MAP4: variants seen among roughly 807,000 people sequenced by gnomAD.
MAP4 encodes the protein microtubule associated protein 4.
Under a neutral mutation model 170.2 loss-of-function variants are expected in MAP4, and 76 were observed. That is an observed-to-expected ratio of 0.45 (90% CI 0.37 to 0.54). The LOEUF is 0.54. Among genes scored for constraint, MAP4 ranks in the 20% least tolerant of loss-of-function variants. The pLI is 0.00. For synonymous variants in MAP4, 909 were observed against 994.5 expected (o/e 0.91, Z 1.62); for missense variants, 2,506 against 2,748.0 (o/e 0.91, Z 1.97).
At chr3:47,940,376 G>A (rs546427789) in intron 3 of MAP4, among the ~76,000 whole-genome samples, 37 of 152,134 alleles carry the variant, frequency 2.4e-4, no homozygotes, top group Non-Finnish European at 4.7e-4. Context: ...AGAAACAACA[G>A]CCTTCAGAAT....
intron 2 of MAP4, among the ~76,000 whole-genome samples, chr3:47,981,227 C>T (rs1372625578): frequency 3.9e-5 from 6 of 152,144 alleles, no homozygotes; most frequent in Middle Eastern, 3.4e-3. Flanking sequence ...TTCGTGTTAC[C>T]GATACAGGAA....
intron 3 of MAP4, among the ~76,000 whole-genome samples, chr3:47,956,290 C>T (rs946720545): frequency 6.6e-6 from 1 of 152,126 alleles, no homozygotes; most frequent in Non-Finnish European, 1.5e-5. Flanking sequence ...AGTCAATGGC[C>T]TCCTGAGAGC....
intron 1 of MAP4, among the ~76,000 whole-genome samples, chr3:48,051,658 A>G (rs2154549387): frequency 6.6e-6 from 1 of 152,274 alleles, no homozygotes; most frequent in Admixed American, 6.5e-5. Flanking sequence ...ATAACTAAGA[A>G]TCATTTTAGT....
At chr3:47,988,993 G>A (rs998217920) in intron 2 of MAP4, among the ~76,000 whole-genome samples, 3 of 152,054 alleles carry the variant, frequency 2.0e-5, no homozygotes, top group Non-Finnish European at 4.4e-5. Context: ...TGTATTTTTA[G>A]TAGAGATGAG....
At chr3:47,912,663 C>T (rs981969793) in intron 8 of MAP4, among the ~76,000 whole-genome samples, 1 of 152,136 alleles carries the variant, frequency 6.6e-6, no homozygotes, top group African/African-American at 2.4e-5. Flanking sequence ...TGTTTTCAAA[C>T]ATTTATAAAA....
intron 2 of MAP4, among the ~76,000 whole-genome samples, chr3:47,983,482 G>A (rs548940903): frequency 1.1e-4 from 16 of 152,182 alleles, no homozygotes; most frequent in African/African-American, 3.4e-4. Flanking sequence ...TGCCTCCCAG[G>A]TTCAAGCGAT....
At chr3:47,989,209 G>C (rs1253951062) in intron 2 of MAP4, among the ~76,000 whole-genome samples, 3 of 152,192 alleles carry the variant, frequency 2.0e-5, no homozygotes, top group Non-Finnish European at 4.4e-5. Flanking sequence ...CCAGGAGTTT[G>C]AGACCAACCT....
intron 1 of MAP4, among the ~76,000 whole-genome samples, chr3:47,999,532 G>T (rs999595196): frequency 1.3e-5 from 2 of 152,102 alleles, no homozygotes; most frequent in Admixed American, 6.5e-5. Context: ...AAAAAAGAAC[G>T]AGATCATGTC....
chr3:47,908,229 C>T (rs73087129), intron 9 of MAP4, among the ~76,000 whole-genome samples: 1,778 of 152,010 alleles, frequency 0.012, 20 homozygotes, highest in Non-Finnish European at 0.019. Context: ...TGGGGGGAAA[C>T]GGGGCTACCA....
chr3:47,891,820 A>G (rs1230640526), intron 10 of MAP4: 1 of 1,536,344 alleles, frequency 6.5e-7, no homozygotes, highest in African/African-American at 1.4e-5. Flanking sequence ...TCAGCTGCTC[A>G]GAGTTATCAT....
At chr3:47,905,958 C>T (rs1225634191) in intron 9 of MAP4, among the ~76,000 whole-genome samples, 1 of 151,924 alleles carries the variant, frequency 6.6e-6, no homozygotes, top group African/African-American at 2.4e-5. Flanking sequence ...CGTGCCATTG[C>T]ACTCCAGCCT....
intron 2 of MAP4, among the ~76,000 whole-genome samples, chr3:47,989,724 T>A (rs1434065083): frequency 6.6e-6 from 1 of 152,184 alleles, no homozygotes. Context: ...AAAAGGCTTG[T>A]ATATTTCCCT....
chr3:48,001,342 AATTAT>A (rs1487763963), intron 1 of MAP4, among the ~76,000 whole-genome samples: 1 of 152,234 alleles, frequency 6.6e-6, no homozygotes, highest in Non-Finnish European at 1.5e-5. Context: ...TTAAATAATC[AATTAT>A]ATTTATATAG....
At position 47,916,129 on chromosome 3, in the gene MAP4, C is replaced by T. The variant is rs1400500776; in HGVS notation, c.1698G>A (p.Leu566=). The change falls in exon 7 of 21, where the codon CTG becomes CTA. Residue 566 remains leucine, a synonymous_variant. Transcript: ENST00000683076. ...APLAKDGVLT[L]ANNVTPAKDV... ...CTTTGGCTGGAGTCACATTGTTGGC[C>T]AGGGTCAGAACCCCATCCTTAGCCA... 1 of 1,614,152 alleles carries T rather than the reference C, an allele frequency of 6.2e-7. No individual in the cohort carries two copies.
At chr3:47,967,724 G>T (rs974723082) in intron 3 of MAP4, among the ~76,000 whole-genome samples, 36 of 152,214 alleles carry the variant, frequency 2.4e-4, no homozygotes, top group African/African-American at 8.7e-4. Context: ...TACTTTGGGA[G>T]GCCGAGGTGG....
At chr3:47,976,032 C>T (rs1423602653) in intron 3 of MAP4, among the ~76,000 whole-genome samples, 7 of 152,154 alleles carry the variant, frequency 4.6e-5, no homozygotes, top group East Asian at 3.8e-4. Flanking sequence ...TCAGGTGATC[C>T]GCCCGCCTCG....
chr3:48,045,794 G>C (rs1304974048), intron 1 of MAP4, among the ~76,000 whole-genome samples: 1 of 152,178 alleles, frequency 6.6e-6, no homozygotes, highest in Non-Finnish European at 1.5e-5. Context: ...GCCTGCCTCG[G>C]CCTCCCAAAG....
chr3:47,903,349 C>T (rs897447483), intron 9 of MAP4, among the ~76,000 whole-genome samples: 6 of 152,012 alleles, frequency 3.9e-5, no homozygotes, highest in Non-Finnish European at 8.8e-5. Flanking sequence ...CTGGCTAACA[C>T]GGTGAAACCC....
At position 47,910,016 on chromosome 3, in the gene MAP4, C is replaced by T; in HGVS notation, c.4405G>A (p.Ala1469Thr). Residue 1469 changes from alanine (A) to threonine (T), a missense_variant, in exon 9 of 21, where the codon GCC (alanine) becomes ACC (threonine). This residue lies in a region of MAP4 where 2,008 missense variants were observed against 2,206.0 expected (regional missense o/e 0.91). Transcript: ENST00000683076. ...DTLAKNGQEIAPAQISKSLMV... is the reference protein window; with the variant it reads ...DTLAKNGQEITPAQISKSLMV... ...AATGATTTGGAAATCTGGGCTGGGG[C>T]TATCTCTTGCCCATTTTTTGCCAAG... 1.2e-6 allele frequency: 2 copies of T among 1,613,968 alleles called. No individual in the cohort carries two copies. The highest frequency in any genetic ancestry group is 1.7e-6 in the Non-Finnish European group (2 of 1,179,886).
Sources: gnomAD v4.1 joint callset for allele counts (sites outside exome capture counted in the v4.1 genomes callset) on GRCh38, gnomAD v4.1.1 for gene constraint, gnomAD v4.1.1 regional missense constraint, MANE v1.5 for transcripts, NCBI Gene and HGNC (gene_info 2026-07-23, HGNC 2026-07-21) for gene names.